The following RNF128 variants were observed in gnomAD, a reference collection of about 807,000 sequenced individuals.
The protein encoded by RNF128 is ring finger protein 128.
A neutral mutation model predicts 26.2 loss-of-function variants in RNF128; 13 were observed. The ratio of observed to expected loss-of-function variants is 0.50; its 90% CI spans 0.32 to 0.79. RNF128 has a LOEUF of 0.79. RNF128 is among the 30% of genes least tolerant of loss of function. The pLI, the probability that RNF128 is intolerant of heterozygous loss-of-function variation, is 0.03. For synonymous variants in RNF128, 149 were observed against 142.5 expected (o/e 1.05, Z -0.32); for missense variants, 315 against 349.7 (o/e 0.90, Z 0.79).
At chrX:106,707,106 T>C (rs916608268) in intron 1 of RNF128, among the ~76,000 whole-genome samples, 12 of 111,811 alleles carry the variant, frequency 1.1e-4, no homozygotes, top group African/African-American at 3.9e-4. Context: ...ATGTATTCAT[T>C]TGTATAATTC....
intron 6 of RNF128, among the ~76,000 whole-genome samples, chrX:106,791,890 C>T: frequency 9.0e-6 from 1 of 111,207 alleles, no homozygotes; most frequent in East Asian, 2.8e-4. Flanking sequence ...CTTTCTTTTA[C>T]CTCAATCTTT....
At chrX:106,733,194 A>G (rs1435800043) in intron 1 of RNF128, among the ~76,000 whole-genome samples, 1 of 111,441 alleles carries the variant, frequency 9.0e-6, no homozygotes, top group Admixed American at 9.6e-5. Flanking sequence ...ACCATTTTAT[A>G]TAAGGAAATT....
intron 1 of RNF128, among the ~76,000 whole-genome samples, chrX:106,701,653 T>C (rs1928959415): frequency 9.0e-6 from 1 of 111,617 alleles, no homozygotes; most frequent in Admixed American, 9.5e-5. Context: ...GTGCCCTGGA[T>C]AAAACAATTG....
chrX:106,750,643 C>T, intron 1 of RNF128, among the ~76,000 whole-genome samples: 1 of 111,165 alleles, frequency 9.0e-6, no homozygotes, highest in Non-Finnish European at 1.9e-5. Context: ...CCTGAAGCCC[C>T]CAAGCTTTCT....
chrX:106,790,984 C>T, intron 5 of RNF128, 82 bp from the exon 6 acceptor site: 2 of 879,521 alleles, frequency 2.3e-6, no homozygotes, highest in Non-Finnish European at 3.2e-6. Flanking sequence ...CAATGAGTCA[C>T]CTATAAAGAA....
At chrX:106,789,291 A>G (rs1443194289) in intron 4 of RNF128, among the ~76,000 whole-genome samples, 1 of 97,185 alleles carries the variant, frequency 1.0e-5, no homozygotes, top group Non-Finnish European at 2.0e-5. Flanking sequence ...TTTTCTTGAT[A>G]GATTAGAATA....
intron 3 of RNF128, among the ~76,000 whole-genome samples, chrX:106,786,788 A>C (rs1356396394): frequency 9.0e-6 from 1 of 111,335 alleles, no homozygotes; most frequent in Non-Finnish European, 1.9e-5. Flanking sequence ...GAAAACTGGC[A>C]AGCAAAACAG....
chrX:106,731,538 A>C (rs1344215682), intron 1 of RNF128, among the ~76,000 whole-genome samples: 3 of 111,798 alleles, frequency 2.7e-5, no homozygotes, highest in Non-Finnish European at 5.7e-5. Context: ...ATGATTAACC[A>C]ATGTAAAATA....
chrX:106,735,744 C>A, intron 1 of RNF128, among the ~76,000 whole-genome samples: 1 of 111,671 alleles, frequency 9.0e-6, no homozygotes, highest in East Asian at 2.8e-4. Context: ...TTGAATATAG[C>A]TATCTAATCC....
At chrX:106,766,911 T>A (rs2147691397) in intron 1 of RNF128, among the ~76,000 whole-genome samples, 1 of 111,841 alleles carries the variant, frequency 8.9e-6, no homozygotes, top group East Asian at 2.8e-4. Flanking sequence ...AAGGAAGGGA[T>A]CCAGTTTCAG....
At chrX:106,749,003 C>A (rs1362691870) in intron 1 of RNF128, among the ~76,000 whole-genome samples, 1 of 111,834 alleles carries the variant, frequency 8.9e-6, no homozygotes, top group Non-Finnish European at 1.9e-5. Context: ...ATATGTACAA[C>A]TATGATACAT....
intron 1 of RNF128, among the ~76,000 whole-genome samples, chrX:106,716,819 T>C (rs915707050): frequency 4.5e-5 from 5 of 111,458 alleles, no homozygotes; most frequent in South Asian, 3.8e-4. Flanking sequence ...AAAGATGCCA[T>C]ATATATTATG....
chrX:106,743,503 C>T (rs1169032454), intron 1 of RNF128, among the ~76,000 whole-genome samples: 1 of 112,032 alleles, frequency 8.9e-6, no homozygotes, highest in African/African-American at 3.2e-5. Flanking sequence ...ATAAAAGATC[C>T]ATTCAATGTG....
intron 1 of RNF128, among the ~76,000 whole-genome samples, chrX:106,752,265 C>G (rs777721179): frequency 1.8e-5 from 2 of 112,473 alleles, no homozygotes; most frequent in African/African-American, 6.5e-5. Context: ...GGTTTCTGGT[C>G]TAATGCAGCT....
At chrX:106,778,821 C>A (rs1452353427) in intron 2 of RNF128, among the ~76,000 whole-genome samples, 1 of 112,114 alleles carries the variant, frequency 8.9e-6, no homozygotes, top group Non-Finnish European at 1.9e-5. Context: ...ATTTTAAAAT[C>A]TGTCCTTCAA....
chrX:106,701,309 C>A (rs998810944), intron 1 of RNF128, among the ~76,000 whole-genome samples: 1 of 111,644 alleles, frequency 9.0e-6, no homozygotes. Flanking sequence ...ACCGTTCTAT[C>A]ATTGAGTATG....
chrX:106,696,320 G>A (rs1038604209), intron 1 of RNF128, among the ~76,000 whole-genome samples: 1 of 110,889 alleles, frequency 9.0e-6, no homozygotes, highest in African/African-American at 3.3e-5. Flanking sequence ...GCCCTTTTAA[G>A]ACCTGCCAAA....
chrX:106,759,579 C>T (rs1374322541), intron 1 of RNF128, among the ~76,000 whole-genome samples: 1 of 111,786 alleles, frequency 8.9e-6, no homozygotes, highest in Non-Finnish European at 1.9e-5. Context: ...GTGGTACTTA[C>T]ACACAATGGA....
At chrX:106,695,264 C>T (rs1275150048) in intron 1 of RNF128, among the ~76,000 whole-genome samples, 1 of 109,996 alleles carries the variant, frequency 9.1e-6, no homozygotes, top group East Asian at 2.8e-4. Context: ...TCAAGGCAAG[C>T]GCTGACAGTA....
Sources: gnomAD v4.1 joint callset for allele counts (sites outside exome capture counted in the v4.1 genomes callset) on GRCh38, gnomAD v4.1.1 for gene constraint, MANE v1.5 for transcripts, NCBI Gene and HGNC (gene_info 2026-07-23, HGNC 2026-07-21) for gene names.